TENM2: variants seen among roughly 807,000 people sequenced by gnomAD.
TENM2 encodes the protein teneurin-2.
A neutral mutation model predicts 245.2 loss-of-function variants in TENM2; 52 were observed. The observed-to-expected ratio is 0.21, with a 90% CI of 0.17 to 0.27. The LOEUF is 0.27. Ranked by LOEUF, TENM2 falls within the 10% of genes least tolerant of loss-of-function variation. The probability of loss-of-function intolerance (pLI) is 1.00; values close to 1 mark genes in which losing one functional copy is unlikely to be tolerated. For missense variants in TENM2, 3,046 were observed against 3,666.8 expected, an observed-to-expected ratio of 0.83 and a Z score of 4.37; for synonymous variants, 1,363 against 1,438.9, an observed-to-expected ratio of 0.95 and a Z score of 1.19.
At chr5:168,153,365 T>C (rs971401630) in intron 12 of TENM2, among the ~76,000 whole-genome samples, 14 of 152,134 alleles carry the variant, frequency 9.2e-5, no homozygotes, top group Non-Finnish European at 1.6e-4. Flanking sequence ...AAACAAAGGG[T>C]TCATTAGAAT....
chr5:167,902,705 C>G (rs932257876), intron 3 of TENM2, among the ~76,000 whole-genome samples: 2 of 152,154 alleles, frequency 1.3e-5, no homozygotes, highest in Non-Finnish European at 2.9e-5. Flanking sequence ...TTTTGTCACT[C>G]TCTGTATCTT....
At chr5:167,952,613 G>A in exon 4 of TENM2, 2 of 1,611,512 alleles carry the variant, frequency 1.2e-6, no homozygotes, top group Non-Finnish European at 1.7e-6. Context: ...ACAGCCAGTC[G>A]ACTCTGAGGC....
At chr5:168,140,128 A>C (rs1755408667) in intron 12 of TENM2, among the ~76,000 whole-genome samples, 2 of 152,136 alleles carry the variant, frequency 1.3e-5, no homozygotes, top group African/African-American at 4.8e-5. Flanking sequence ...TAACTGGTTT[A>C]AGCTGGTGGG....
intron 2 of TENM2, among the ~76,000 whole-genome samples, chr5:167,638,999 T>C (rs1395005875): frequency 6.6e-6 from 1 of 152,204 alleles, no homozygotes; most frequent in Admixed American, 6.5e-5. Context: ...ACTTAGAAAG[T>C]CCAACAGCTG....
At chr5:167,008,392 G>A in the TENM2 span, among the ~76,000 whole-genome samples, 1,592 of 152,240 alleles carry the variant, frequency 0.01, 8 homozygotes, top group Non-Finnish European at 0.015. Flanking sequence ...TCCTTCCAGC[G>A]GTGGATGAAT....
chr5:167,395,734 C>T (rs1267768576), intron 2 of TENM2, among the ~76,000 whole-genome samples: 1 of 152,104 alleles, frequency 6.6e-6, no homozygotes, highest in African/African-American at 2.4e-5. Context: ...TTTTGTTTGA[C>T]ATCCCTAGGG....
intron 19 of TENM2, among the ~76,000 whole-genome samples, chr5:168,206,614 C>T (rs947543011): frequency 2.6e-5 from 4 of 152,190 alleles, no homozygotes; most frequent in African/African-American, 4.8e-5. Flanking sequence ...GTAGCCCTCA[C>T]GCTGCCAAAC....
chr5:167,645,016 C>T (rs1041956225), intron 2 of TENM2, among the ~76,000 whole-genome samples: 1 of 152,126 alleles, frequency 6.6e-6, no homozygotes, highest in African/African-American at 2.4e-5. Flanking sequence ...GTACTGAATA[C>T]TGGAGGCAAT....
At chr5:168,007,117 C>T (rs1784880581) in intron 5 of TENM2, among the ~76,000 whole-genome samples, 1 of 151,190 alleles carries the variant, frequency 6.6e-6, no homozygotes, top group Non-Finnish European at 1.5e-5. Flanking sequence ...GTACTCCAGG[C>T]CTTCCTTTTT....
At chr5:167,225,423 A>T in the TENM2 span, among the ~76,000 whole-genome samples, 2 of 152,100 alleles carry the variant, frequency 1.3e-5, no homozygotes, top group Non-Finnish European at 2.9e-5. Flanking sequence ...TGAGATAATC[A>T]TATAGTTTCT....
chr5:167,760,470 G>C (rs1762590732), intron 2 of TENM2, among the ~76,000 whole-genome samples: 1 of 152,078 alleles, frequency 6.6e-6, no homozygotes, highest in Non-Finnish European at 1.5e-5. Flanking sequence ...GGCAATCGAG[G>C]CTTCTCCCAC....
the TENM2 span, among the ~76,000 whole-genome samples, chr5:166,981,695 A>G: frequency 2.0e-5 from 3 of 152,170 alleles, no homozygotes; most frequent in African/African-American, 7.2e-5. Context: ...AATTAGCTTC[A>G]GTTTCAGTAT....
chr5:168,257,761 A>G lies in TENM2; in HGVS notation c.7433-2522A>G, dbSNP rs6877624. On this transcript the variant is annotated intron_variant, in intron 27 of 28. Transcript: ENST00000518659. ...CTCCCAGGTAGCTGGGATTACAGGC[A>G]CCCGCCACCACGCCCAGCTAATTTT... is the stretch of plus-strand genomic sequence containing the variant. Among the ~76,000 whole-genome samples, 1,409 of 152,078 alleles carry G rather than the reference A, an allele frequency of 9.3e-3. 23 individuals are homozygous for G. The highest frequency in any genetic ancestry group is 0.032 in the African/African-American group (1,346 of 41,484).
intron 2 of TENM2, among the ~76,000 whole-genome samples, chr5:167,684,965 T>C (rs1260352954): frequency 6.6e-6 from 1 of 152,178 alleles, no homozygotes; most frequent in Non-Finnish European, 1.5e-5. Context: ...TAAGATCTTA[T>C]GGAATCTAGA....
intron 1 of TENM2, among the ~76,000 whole-genome samples, chr5:167,366,753 C>T (rs1211915289): frequency 6.6e-6 from 1 of 152,110 alleles, no homozygotes; most frequent in Non-Finnish European, 1.5e-5. Flanking sequence ...AACCTAGTAG[C>T]CTTGCAGCTA....
At chr5:167,076,439 A>G in the TENM2 span, among the ~76,000 whole-genome samples, 3 of 152,214 alleles carry the variant, frequency 2.0e-5, no homozygotes, top group African/African-American at 4.8e-5. Flanking sequence ...ATTTTTCAAT[A>G]TTATTAAAAT....
chr5:168,028,239 A>G (rs188607538), intron 5 of TENM2, among the ~76,000 whole-genome samples: 48 of 152,268 alleles, frequency 3.2e-4, no homozygotes, highest in Admixed American at 1.0e-3. Context: ...TCACAATTTG[A>G]TCCTAGCTGA....
At chr5:167,782,335 A>T (rs1357077323) in intron 2 of TENM2, among the ~76,000 whole-genome samples, 1 of 150,508 alleles carries the variant, frequency 6.6e-6, no homozygotes, top group African/African-American at 2.5e-5. Flanking sequence ...AAAAAAAAAA[A>T]AAAATTAAAA....
At chr5:168,200,648 A>G (rs1202012176) in intron 17 of TENM2, among the ~76,000 whole-genome samples, 13 of 152,358 alleles carry the variant, frequency 8.5e-5, no homozygotes, top group African/African-American at 3.1e-4. Flanking sequence ...TAAATGGCAC[A>G]GAATGACCCT....
Sources: allele counts gnomAD v4.1 joint callset (sites outside exome capture counted in the v4.1 genomes callset), GRCh38; gene constraint gnomAD v4.1.1; transcripts MANE v1.5; gene names NCBI Gene and HGNC (gene_info 2026-07-23, HGNC 2026-07-21).